GPD1L: variants seen among roughly 807,000 people sequenced by gnomAD.
GPD1L encodes glycerol-3-phosphate dehydrogenase 1 like.
Under a neutral mutation model 32.9 loss-of-function variants are expected in GPD1L, and 17 were observed. That is an observed-to-expected ratio of 0.52 (90% CI 0.35 to 0.78). The LOEUF (loss-of-function observed/expected upper bound fraction) is 0.78, where lower values mean the gene tolerates loss of function less well. Among genes scored for constraint, GPD1L ranks in the 30% least tolerant of loss-of-function variants. GPD1L has a pLI of 0.01. For missense variants in GPD1L, 361 were observed against 447.8 expected (o/e 0.81, Z 1.75); for synonymous variants, 187 against 165.9 (o/e 1.13, Z -0.98).
chr3:32,108,998 C>A (rs1056236332), intron 1 of GPD1L, among the ~76,000 whole-genome samples: 3 of 152,188 alleles, frequency 2.0e-5, no homozygotes, highest in Admixed American at 1.3e-4. Context: ...TACAGGCATC[C>A]GCCACCATGC....
intron 1 of GPD1L, among the ~76,000 whole-genome samples, chr3:32,114,134 C>T (rs931581972): frequency 6.6e-6 from 1 of 152,226 alleles, no homozygotes; most frequent in African/African-American, 2.4e-5. Context: ...GGATTACAGG[C>T]ATGGGCCACC....
At chr3:32,141,663 GAT>G (rs1700746107) in intron 4 of GPD1L, among the ~76,000 whole-genome samples, 1 of 152,070 alleles carries the variant, frequency 6.6e-6, no homozygotes, top group Admixed American at 6.6e-5. Context: ...TTACGAAAGT[GAT>G]ACAGACACAG....
chr3:32,127,995 GTCT>G, intron 1 of GPD1L, 78 bp from the exon 2 acceptor site: 2 of 956,932 alleles, frequency 2.1e-6, no homozygotes. Context: ...CAAAACACAA[GTCT>G]TCTGAATTTT....
chr3:32,143,874 C>T (rs1472415878), intron 4 of GPD1L, among the ~76,000 whole-genome samples: 2 of 151,986 alleles, frequency 1.3e-5, no homozygotes, highest in East Asian at 1.9e-4. Context: ...CCCAGGTACT[C>T]GAGAGCCTGA....
intron 5 of GPD1L, among the ~76,000 whole-genome samples, chr3:32,147,030 C>T (rs183712362): frequency 6.6e-6 from 1 of 152,322 alleles, no homozygotes; most frequent in East Asian, 1.9e-4. Flanking sequence ...GACAGGGTTT[C>T]ACCCAGGAGC....
chr3:32,123,425 G>A (rs1430122022), intron 1 of GPD1L, among the ~76,000 whole-genome samples: 2 of 152,170 alleles, frequency 1.3e-5, no homozygotes, highest in Non-Finnish European at 2.9e-5. Flanking sequence ...GCACTGCAGC[G>A]AGACATTCTG....
chr3:32,130,946 C>T (rs1057208666), intron 2 of GPD1L, among the ~76,000 whole-genome samples: 16 of 151,574 alleles, frequency 1.1e-4, no homozygotes, highest in African/African-American at 2.4e-4. Context: ...ACCCAGGAGG[C>T]GGAAGTTGCA....
At chr3:32,122,159 G>A (rs986952891) in intron 1 of GPD1L, among the ~76,000 whole-genome samples, 5 of 152,092 alleles carry the variant, frequency 3.3e-5, no homozygotes, top group African/African-American at 7.2e-5. Flanking sequence ...ACTTGTCTGC[G>A]TTCATTCCCT....
In GPD1L at chr3:32,146,631, T is replaced by A; in HGVS notation, c.515T>A (p.Val172Glu). 6.2e-7 allele frequency: 1 copy of A among 1,605,880 alleles called. No homozygotes were observed. Among genetic ancestry groups the A allele is most frequent in the Non-Finnish European group, 8.5e-7 (1 of 1,172,464 alleles). Reference protein sequence around the residue: ...KFCETTIGSKVMENGLLFKEL... With the variant: ...KFCETTIGSKEMENGLLFKEL... Reference sequence around the variant, plus strand: ...TCTAACCTTTCAACAGGCAGCAAAGTAATGGAGAACGGCCTTCTCTTCAAA... The same window carrying A: ...TCTAACCTTTCAACAGGCAGCAAAGAAATGGAGAACGGCCTTCTCTTCAAA... Residue 172 changes from valine to glutamate, a missense_variant, in exon 5 of 8, where the codon GTA becomes GAA. Coordinates refer to ENST00000282541, the MANE Select transcript of GPD1L (RefSeq NM_015141.4).
At chr3:32,127,231 C>T (rs1365800514) in intron 1 of GPD1L, among the ~76,000 whole-genome samples, 5 of 152,302 alleles carry the variant, frequency 3.3e-5, no homozygotes, top group South Asian at 2.1e-4. Context: ...CTCTTTACTG[C>T]GTTCTCTCAT....
intron 1 of GPD1L, among the ~76,000 whole-genome samples, chr3:32,121,726 T>C (rs1700423155): frequency 7.7e-6 from 1 of 129,954 alleles, no homozygotes; most frequent in Non-Finnish European, 1.5e-5. Context: ...TATATTTCTA[T>C]ATATATATTT....
intron 5 of GPD1L, among the ~76,000 whole-genome samples, chr3:32,155,839 G>T (rs7651041): frequency 0.53 from 81,288 of 151,990 alleles, 23,233 homozygotes; most frequent in East Asian, 0.86. Flanking sequence ...GAAGATGGCC[G>T]GAGAGGTGGA....
intron 2 of GPD1L, among the ~76,000 whole-genome samples, chr3:32,137,524 C>T (rs1214754576): frequency 6.6e-6 from 1 of 152,166 alleles, no homozygotes; most frequent in African/African-American, 2.4e-5. Context: ...CATTGATGCT[C>T]CCTTGATCAG....
intron 5 of GPD1L, among the ~76,000 whole-genome samples, chr3:32,155,414 G>A (rs1250304360): frequency 1.3e-5 from 2 of 152,180 alleles, no homozygotes; most frequent in Non-Finnish European, 1.5e-5. Context: ...GTTGACAGGA[G>A]CCCCTTGTTG....
intron 5 of GPD1L, among the ~76,000 whole-genome samples, chr3:32,150,832 G>T (rs541046475): frequency 1.3e-5 from 2 of 152,242 alleles, no homozygotes; most frequent in East Asian, 1.9e-4. Context: ...GGTCATCCTT[G>T]TAATCCCAGC....
intron 6 of GPD1L, 21 bp from the exon 7 acceptor site, chr3:32,159,547 A>G: frequency 1.5e-6 from 2 of 1,342,638 alleles, no homozygotes; most frequent in Non-Finnish European, 1.1e-6. Flanking sequence ...TTTTTTAAAT[A>G]TATAATCCTT....
At chr3:32,163,727 C>G (rs1047075657) in intron 7 of GPD1L, among the ~76,000 whole-genome samples, 1 of 152,162 alleles carries the variant, frequency 6.6e-6, no homozygotes, top group Non-Finnish European at 1.5e-5. Flanking sequence ...ACAAGTTACT[C>G]GTCTGTAGAA....
intron 4 of GPD1L, among the ~76,000 whole-genome samples, chr3:32,145,584 A>T (rs11129497): frequency 9.9e-5 from 15 of 151,742 alleles, no homozygotes; most frequent in African/African-American, 3.1e-4. Context: ...GACTTGAGGG[A>T]GGGGCTGGTC....
At chr3:32,155,963 G>A (rs1053714626) in intron 5 of GPD1L, among the ~76,000 whole-genome samples, 1 of 152,120 alleles carries the variant, frequency 6.6e-6, no homozygotes, top group East Asian at 1.9e-4. Flanking sequence ...TGGGAAGGGC[G>A]TCCAGACCTA....
Sources: allele counts gnomAD v4.1 joint callset (sites outside exome capture counted in the v4.1 genomes callset), GRCh38; gene constraint gnomAD v4.1.1; transcripts MANE v1.5; gene names NCBI Gene and HGNC (gene_info 2026-07-23, HGNC 2026-07-21).